Variants in CEACAM5 observed in about 807,000 individuals in gnomAD.
The protein encoded by CEACAM5 is CEA cell adhesion molecule 5.
Under a neutral mutation model 63.0 loss-of-function variants are expected in CEACAM5, and 52 were observed. That is an observed-to-expected ratio of 0.83 (90% CI 0.66 to 1.04). The LOEUF (loss-of-function observed/expected upper bound fraction) is 1.04. Ranked by LOEUF, CEACAM5 falls within the 50% of genes least tolerant of loss-of-function variation. The pLI is 0.00. For synonymous variants in CEACAM5, 357 were observed against 351.3 expected (o/e 1.02, Z -0.18); for missense variants, 790 against 864.8 (o/e 0.91, Z 1.08).
In CEACAM5 at chr19:41,715,215, C is replaced by A. The variant is rs782541248; in HGVS notation, c.669C>A (p.Ala223=). The change falls in exon 3 of 10, where the codon GCC becomes GCA. Residue 223 remains alanine (A), a synonymous_variant. Coordinates refer to ENST00000221992, the MANE Select transcript of CEACAM5 (RefSeq NM_004363.6). ...YKCETQNPVS[A]RRSDSVILNV... The stretch of plus-strand genomic sequence containing the variant: ...GTGAAACCCAGAACCCAGTGAGTGC[C>A]AGGCGCAGTGATTCAGTCATCCTGA... 5 of 1,614,222 alleles carry A rather than the reference C, an allele frequency of 3.1e-6. No individual in the cohort carries two copies. In the South Asian group the frequency reaches 4.4e-5, roughly 14 times the overall value.
chr19:41,722,702 T>G (rs371684244), intron 8 of CEACAM5, among the ~76,000 whole-genome samples: 1 of 152,378 alleles, frequency 6.6e-6, no homozygotes, highest in East Asian at 1.9e-4. Context: ...AACATTCCAT[T>G]GTATGGATAC....
intron 2 of CEACAM5, among the ~76,000 whole-genome samples, chr19:41,713,653 C>T (rs1421290610): frequency 6.6e-6 from 1 of 152,198 alleles, no homozygotes; most frequent in Admixed American, 6.5e-5. Flanking sequence ...CTAGGGACTT[C>T]ATATAAGTGG....
At chr19:41,714,613 C>A (rs1215758537) in intron 2 of CEACAM5, among the ~76,000 whole-genome samples, 1 of 152,198 alleles carries the variant, frequency 6.6e-6, no homozygotes. Context: ...AGGGACCCAG[C>A]ACTTGAATGT....
intron 7 of CEACAM5, among the ~76,000 whole-genome samples, chr19:41,720,651 C>T (rs1377816719): frequency 6.6e-6 from 1 of 152,020 alleles, no homozygotes; most frequent in Non-Finnish European, 1.5e-5. Context: ...GGATTACACA[C>T]ACGTGCCGCC....
intron 4 of CEACAM5, among the ~76,000 whole-genome samples, chr19:41,716,448 G>T (rs2072528270): frequency 6.6e-6 from 1 of 152,230 alleles, no homozygotes; most frequent in South Asian, 2.1e-4. Context: ...GTGTGGAGAA[G>T]GAGCCCGGGT....
rs1278360655 is a variant in CEACAM5 at position 41,720,924 on chromosome 19, G to A, written c.1774G>A (p.Gly592Arg). The change falls in exon 8 of 10, where the codon GGG becomes AGG. Residue 592 changes from glycine to arginine, a missense_variant and splice_region_variant. Gly to Arg is a moderately radical substitution (Grantham distance 125, BLOSUM62 -2). Transcript: ENST00000221992. Reference protein sequence around the residue: ...SDPVTLDVLYGPDTPIISPPD... With the variant: ...SDPVTLDVLYRPDTPIISPPD... ...TGGCTTTGTTCTCTTTGTTCCAGAT[G>A]GGCCGGACACCCCCATCATTTCCCC... 1.2e-6 allele frequency: 2 copies of A among 1,613,814 alleles called. No homozygotes were observed. The highest frequency in any genetic ancestry group is 1.7e-6 in the Non-Finnish European group (2 of 1,179,984).
intron 8 of CEACAM5, among the ~76,000 whole-genome samples, chr19:41,723,045 C>A (rs147844347): frequency 6.6e-6 from 1 of 151,858 alleles, no homozygotes; most frequent in African/African-American, 2.4e-5. Flanking sequence ...GTAGCTGGGA[C>A]TACAGGTGCC....
At position 41,729,949 on chromosome 19, in the gene CEACAM5, A is replaced by G. The variant is rs2072748866; in HGVS notation, c.*802A>G. ...GAATACATTTGAAAACATTGGTTAT[A>G]TTACCAAGACTTTGACTAGAATGTC... On this transcript the variant is annotated 3_prime_UTR_variant, in exon 10 of 10. Coordinates refer to ENST00000221992, the MANE Select transcript of CEACAM5 (RefSeq NM_004363.6). 6.6e-6 allele frequency among the ~76,000 whole-genome samples: 1 copy of G among 152,216 alleles called. No individual in the cohort carries two copies. The highest frequency in any genetic ancestry group is 2.4e-5 in the African/African-American group (1 of 41,454).
At position 41,720,072 on chromosome 19, in the gene CEACAM5, C is replaced by A. The variant is rs1555815854; in HGVS notation, c.1635C>A (p.Pro545=). 1.2e-6 allele frequency: 2 copies of A among 1,614,250 alleles called. No individual in the cohort carries two copies. Among genetic ancestry groups the A allele is most frequent in the Admixed American group, 3.3e-5 (2 of 60,028 alleles). ...WVNGQSLPVS[P]RLQLSNGNRT... is the part of the protein sequence containing the mutation. ...ATGGTCAGAGCCTCCCAGTCAGTCC[C>A]AGGCTGCAGCTGTCCAATGGCAACA... is the stretch of plus-strand genomic sequence containing the variant. Residue 545 remains proline, a synonymous_variant, in exon 7 of 10, where the codon CCC becomes CCA. Transcript: ENST00000221992.
chr19:41,716,724 C>T (rs559479570), intron 4 of CEACAM5, among the ~76,000 whole-genome samples: 10 of 152,330 alleles, frequency 6.6e-5, no homozygotes, highest in Admixed American at 3.9e-4. Flanking sequence ...TGTCAAAAAT[C>T]GTGTGTTTAT....
intron 4 of CEACAM5, among the ~76,000 whole-genome samples, 153 bp downstream of exon 4, chr19:41,716,057 C>T (rs1427248408): frequency 1.3e-5 from 2 of 152,184 alleles, no homozygotes; most frequent in Non-Finnish European, 2.9e-5. Flanking sequence ...CAATATGTCT[C>T]TACAGACTCT....
At chr19:41,714,917 T>C in intron 2 of CEACAM5, 54 bp from the exon 3 acceptor site, 2 of 1,610,874 alleles carry the variant, frequency 1.2e-6, no homozygotes, top group Non-Finnish European at 1.7e-6. Flanking sequence ...GAAAGATGCC[T>C]GTGAGGAATC....
chr19:41,711,803 A>G (rs782163167), intron 2 of CEACAM5, among the ~76,000 whole-genome samples: 13 of 151,952 alleles, frequency 8.6e-5, no homozygotes, highest in Admixed American at 7.2e-4. Flanking sequence ...CTCCACTCTT[A>G]GGCCTTCCCC....
intron 2 of CEACAM5, among the ~76,000 whole-genome samples, chr19:41,714,107 C>T (rs1212702800): frequency 6.6e-6 from 1 of 151,850 alleles, no homozygotes; most frequent in African/African-American, 2.4e-5. Context: ...CCCAGCTACT[C>T]GGGAGGCTGA....
chr19:41,725,290 C>T (rs1306489807), intron 8 of CEACAM5, among the ~76,000 whole-genome samples: 1 of 151,642 alleles, frequency 6.6e-6, no homozygotes, highest in Non-Finnish European at 1.5e-5. Context: ...TACAATTATT[C>T]ATAGCATTCT....
At chr19:41,724,604 A>G (rs1204268259) in intron 8 of CEACAM5, among the ~76,000 whole-genome samples, 1 of 152,158 alleles carries the variant, frequency 6.6e-6, no homozygotes, top group African/African-American at 2.4e-5. Context: ...ATGAAAAAAA[A>G]ATGTCTTTCC....
chr19:41,728,616 C>G lies in CEACAM5; in HGVS notation c.*37-568C>G, dbSNP rs534212396. Among the ~76,000 whole-genome samples the G allele has an allele frequency of 2.0e-5, 3 of 152,106 alleles. No individual in the cohort carries two copies. The East Asian group carries it at 5.8e-4, about 29-fold the overall frequency. ...CCTGACCAACATGGTGAAACCCCCT[C>G]TCTACTAAAAATACAAAAAAATCAG... is the stretch of plus-strand genomic sequence containing the variant. On this transcript the variant is annotated intron_variant, in intron 9 of 9. Transcript: ENST00000221992.
At chr19:41,720,592 C>T (rs573935449) in intron 7 of CEACAM5, among the ~76,000 whole-genome samples, 32 of 149,286 alleles carry the variant, frequency 2.1e-4, no homozygotes, top group East Asian at 7.9e-4. Context: ...CTGCAAGCTC[C>T]GCCTCCTAGG....
At chr19:41,728,721 A>G (rs1259812176) in intron 9 of CEACAM5, among the ~76,000 whole-genome samples, 2 of 143,722 alleles carry the variant, frequency 1.4e-5, no homozygotes, top group African/African-American at 2.6e-5. Context: ...CGGGAGGTGG[A>G]GATTGCAGTG....
Sources: gnomAD v4.1 joint callset for allele counts (sites outside exome capture counted in the v4.1 genomes callset) on GRCh38, gnomAD v4.1.1 for gene constraint, MANE v1.5 for transcripts, NCBI Gene and HGNC (gene_info 2026-07-23, HGNC 2026-07-21) for gene names.